The following GRM8 variants were observed in gnomAD, a reference collection of about 807,000 sequenced individuals.
GRM8 encodes the protein metabotropic glutamate receptor 8.
A neutral mutation model predicts 87.2 loss-of-function variants in GRM8; 47 were observed. The ratio of observed to expected loss-of-function variants is 0.54; its 90% CI spans 0.43 to 0.69. GRM8 has a LOEUF of 0.69. Ranked by LOEUF, GRM8 falls within the 30% of genes least tolerant of loss-of-function variation. GRM8 has a pLI of 0.00. For synonymous variants in GRM8, 396 were observed against 404.5 expected, an observed-to-expected ratio of 0.98 and a Z score of 0.25; for missense variants, 1,019 against 1,139.2, an observed-to-expected ratio of 0.89 and a Z score of 1.52.
intron 3 of GRM8, among the ~76,000 whole-genome samples, chr7:127,031,750 G>A (rs889735673): frequency 2.6e-5 from 4 of 152,048 alleles, no homozygotes; most frequent in African/African-American, 7.2e-5. Flanking sequence ...CAATACTGTT[G>A]TTCTGAACTT....
At chr7:126,865,722 A>G (rs1798539082) in intron 6 of GRM8, among the ~76,000 whole-genome samples, 2 of 152,222 alleles carry the variant, frequency 1.3e-5, no homozygotes, top group African/African-American at 4.8e-5. Context: ...ACTTAGCATC[A>G]TGCTTTCAAG....
chr7:126,621,126 T>C (rs1021819454), intron 7 of GRM8, among the ~76,000 whole-genome samples: 4 of 152,232 alleles, frequency 2.6e-5, no homozygotes, highest in African/African-American at 9.6e-5. Context: ...GTCTCAATTA[T>C]TCATGCTCTC....
intron 9 of GRM8, among the ~76,000 whole-genome samples, chr7:126,508,695 TG>T (rs1446137561): frequency 6.6e-6 from 1 of 152,112 alleles, no homozygotes; most frequent in African/African-American, 2.4e-5. Flanking sequence ...TACTTATAAT[TG>T]TCAAGCACAG....
intron 7 of GRM8, among the ~76,000 whole-genome samples, chr7:126,620,891 CCT>C (rs147378673): frequency 0.016 from 2,371 of 152,186 alleles, 48 homozygotes; most frequent in African/African-American, 0.042. Context: ...TTAGTGCAAT[CCT>C]CTCAGTTTTT....
chr7:127,028,611 TTA>T (rs1434412197), intron 3 of GRM8, among the ~76,000 whole-genome samples: 1 of 152,230 alleles, frequency 6.6e-6, no homozygotes, highest in Non-Finnish European at 1.5e-5. Context: ...ATTTTCTAGT[TTA>T]TTTGCATAGA....
intron 6 of GRM8, among the ~76,000 whole-genome samples, chr7:126,825,884 C>T (rs950174195): frequency 6.7e-6 from 1 of 148,186 alleles, no homozygotes; most frequent in African/African-American, 2.5e-5. Context: ...CCCCACCCCA[C>T]AACAGTCCCC....
chr7:127,214,392 A>T (rs1796397788), intron 2 of GRM8, among the ~76,000 whole-genome samples: 1 of 152,228 alleles, frequency 6.6e-6, no homozygotes, highest in South Asian at 2.1e-4. Context: ...TTAACAGTAT[A>T]ACAAACTCAA....
chr7:127,153,840 T>C (rs1792555017), intron 2 of GRM8, among the ~76,000 whole-genome samples: 1 of 152,160 alleles, frequency 6.6e-6, no homozygotes, highest in Non-Finnish European at 1.5e-5. Context: ...GGCCTTCTTT[T>C]AGGTTTGCAA....
At position 126,534,999 on chromosome 7, in the gene GRM8, G is replaced by A. The variant is rs985064070; in HGVS notation, c.1495-1112C>T. Among the ~76,000 whole-genome samples, 12 of 152,290 alleles carry A rather than the reference G, an allele frequency of 7.9e-5. No homozygotes were observed. In the South Asian group the frequency reaches 2.5e-3, roughly 32 times the overall value. On this transcript the variant is annotated intron_variant, in intron 8 of 10. Transcript: ENST00000339582. ...TGAGGAATAAGGAGACAGCTTGGAA[G>A]TACTGGGATATGGAAATAGAGGGTA...
intron 2 of GRM8, among the ~76,000 whole-genome samples, chr7:127,121,008 T>C (rs990246292): frequency 6.6e-6 from 1 of 152,158 alleles, no homozygotes; most frequent in Non-Finnish European, 1.5e-5. Flanking sequence ...AAATAACAGA[T>C]GAGTTTTTGA....
At chr7:127,167,350 T>G (rs1480920832) in intron 2 of GRM8, among the ~76,000 whole-genome samples, 1 of 152,210 alleles carries the variant, frequency 6.6e-6, no homozygotes, top group South Asian at 2.1e-4. Context: ...GTGGTTACTG[T>G]TGGGTTTTAA....
chr7:127,226,880 G>A (rs1400682960), intron 2 of GRM8, among the ~76,000 whole-genome samples: 1 of 152,130 alleles, frequency 6.6e-6, no homozygotes, highest in Non-Finnish European at 1.5e-5. Flanking sequence ...GCCTCCTACG[G>A]GTGGGCTGAT....
intron 3 of GRM8, among the ~76,000 whole-genome samples, chr7:127,048,418 G>A (rs947498235): frequency 7.9e-5 from 12 of 152,324 alleles, no homozygotes; most frequent in African/African-American, 2.4e-4. Flanking sequence ...AAAATGAGAA[G>A]CCACTGAAAG....
chr7:126,785,243 AACAAG>A (rs1329502831), intron 6 of GRM8, among the ~76,000 whole-genome samples: 2 of 152,188 alleles, frequency 1.3e-5, no homozygotes, highest in Non-Finnish European at 2.9e-5. Context: ...TACTTTTAGG[AACAAG>A]ACAGACTCGG....
intron 6 of GRM8, among the ~76,000 whole-genome samples, chr7:126,797,025 G>T (rs147877480): frequency 6.6e-6 from 1 of 152,102 alleles, no homozygotes; most frequent in African/African-American, 2.4e-5. Context: ...GAATGGGAGA[G>T]TCTAATTGGA....
intron 7 of GRM8, among the ~76,000 whole-genome samples, chr7:126,749,780 G>A (rs1216203304): frequency 6.6e-6 from 1 of 152,036 alleles, no homozygotes; most frequent in Non-Finnish European, 1.5e-5. Flanking sequence ...GCCACAGTGA[G>A]TAATGACTAT....
intron 6 of GRM8, among the ~76,000 whole-genome samples, chr7:126,809,457 C>T (rs1793087028): frequency 6.6e-6 from 1 of 152,070 alleles, no homozygotes; most frequent in African/African-American, 2.4e-5. Context: ...AGACAGTTAT[C>T]CAAACTCCCC....
chr7:127,173,535 A>G (rs1190154336), intron 2 of GRM8, among the ~76,000 whole-genome samples: 1 of 152,206 alleles, frequency 6.6e-6, no homozygotes. Flanking sequence ...TTAAACCTTT[A>G]AAACGACTTT....
chr7:126,878,522 T>C (rs1359111687), intron 6 of GRM8, among the ~76,000 whole-genome samples: 31 of 142,294 alleles, frequency 2.2e-4, no homozygotes, highest in Admixed American at 3.4e-4. Flanking sequence ...TCTTCTTCTT[T>C]TTTTTTTTTT....
Sources: allele counts gnomAD v4.1 joint callset (sites outside exome capture counted in the v4.1 genomes callset), GRCh38; gene constraint gnomAD v4.1.1; transcripts MANE v1.5; gene names NCBI Gene and HGNC (gene_info 2026-07-23, HGNC 2026-07-21).